MTA3: variants seen among roughly 807,000 people sequenced by gnomAD.
MTA3 encodes metastasis associated 1 family member 3.
Under a neutral mutation model 83.5 loss-of-function variants are expected in MTA3, and 34 were observed. The observed-to-expected ratio is 0.41, with a 90% CI of 0.31 to 0.54. The LOEUF is 0.54. Ranked by LOEUF, MTA3 falls within the 20% of genes least tolerant of loss-of-function variation. The pLI, the probability that MTA3 is intolerant of heterozygous loss-of-function variation, is 0.33. For missense variants in MTA3, 761 were observed against 726.4 expected (o/e 1.05, Z -0.55); for synonymous variants, 303 against 252.7 (o/e 1.20, Z -1.89).
intron 6 of MTA3, among the ~76,000 whole-genome samples, chr2:42,649,367 C>T (rs912098255): frequency 2.0e-5 from 3 of 151,500 alleles, no homozygotes; most frequent in Non-Finnish European, 2.9e-5. Flanking sequence ...GAGCCAAGAT[C>T]GTACCACTGC....
intron 15 of MTA3, among the ~76,000 whole-genome samples, chr2:42,719,289 A>G (rs967775265): frequency 6.6e-6 from 1 of 152,152 alleles, no homozygotes; most frequent in Non-Finnish European, 1.5e-5. Flanking sequence ...ATATATGTCT[A>G]CTTTTTCCAA....
chr2:42,556,237 C>T (rs1336717777), intron 2 of MTA3, among the ~76,000 whole-genome samples: 2 of 152,128 alleles, frequency 1.3e-5, no homozygotes, highest in Non-Finnish European at 2.9e-5. Context: ...CTCCTGTACT[C>T]CTACTCCAGA....
intron 2 of MTA3, among the ~76,000 whole-genome samples, chr2:42,514,640 T>C (rs1291484810): frequency 2.2e-5 from 3 of 139,452 alleles, no homozygotes; most frequent in Non-Finnish European, 4.6e-5. Flanking sequence ...CACCTCGGGC[T>C]CCTCCCAAAG....
At position 42,533,896 on chromosome 2, in the gene MTA3, C is replaced by T. The variant is rs181012938; in HGVS notation, c.-140-36541C>T. ...ATGGCTATTCCATAGACAGAGCAGC[C>T]GATTTTCTCTCTTTCTTTTTACTTT... On this transcript the variant is annotated intron_variant, in intron 2 of 17. Transcript: ENST00000405592. Among the ~76,000 whole-genome samples the T allele has an allele frequency of 8.1e-4, 123 of 151,790 alleles. 2 individuals carry two copies. The highest frequency in any genetic ancestry group is 2.7e-3 in the African/African-American group (111 of 41,430).
intron 16 of MTA3, among the ~76,000 whole-genome samples, chr2:42,740,703 G>A (rs1215885484): frequency 6.6e-6 from 1 of 152,226 alleles, no homozygotes; most frequent in East Asian, 1.9e-4. Flanking sequence ...CTAAGCAGTA[G>A]GTCTCAACAG....
chr2:42,749,235 C>T (rs1414151341), intron 16 of MTA3, among the ~76,000 whole-genome samples: 1 of 152,222 alleles, frequency 6.6e-6, no homozygotes, highest in East Asian at 1.9e-4. Context: ...TTGGCTGCCT[C>T]AAGCTCTGAC....
intron 8 of MTA3, 79 bp downstream of exon 8, chr2:42,659,941 T>C (rs1689516933): frequency 8.9e-7 from 1 of 1,126,294 alleles, no homozygotes; most frequent in Non-Finnish European, 1.2e-6. Flanking sequence ...GGCAATACTG[T>C]AGACCGGGAG....
At chr2:42,732,642 C>A (rs1452871067) in intron 16 of MTA3, among the ~76,000 whole-genome samples, 1 of 152,206 alleles carries the variant, frequency 6.6e-6, no homozygotes, top group Non-Finnish European at 1.5e-5. Context: ...TTAATTTCTC[C>A]CCAGAAAATG....
intron 2 of MTA3, among the ~76,000 whole-genome samples, chr2:42,578,600 C>T (rs546150563): frequency 6.6e-6 from 1 of 152,312 alleles, no homozygotes; most frequent in East Asian, 1.9e-4. Context: ...ACCTGCAGAG[C>T]TTCACTGTCC....
chr2:42,647,375 C>T (rs1302299224), intron 6 of MTA3, among the ~76,000 whole-genome samples: 5 of 151,778 alleles, frequency 3.3e-5, no homozygotes, highest in African/African-American at 1.2e-4. Context: ...AGGCATGTGC[C>T]ACCATGCCCA....
At chr2:42,693,186 G>T (rs1693071333) in intron 9 of MTA3, among the ~76,000 whole-genome samples, 1 of 151,980 alleles carries the variant, frequency 6.6e-6, no homozygotes, top group African/African-American at 2.4e-5. Flanking sequence ...AAGCACTCTT[G>T]TGGCTACCAC....
chr2:42,727,696 A>C (rs186261842), intron 16 of MTA3, among the ~76,000 whole-genome samples: 90 of 151,994 alleles, frequency 5.9e-4, no homozygotes, highest in Non-Finnish European at 1.1e-3. Context: ...GGTGAATCAC[A>C]TGGTTTTTTT....
chr2:42,494,441 C>G (rs1056334213), upstream of MTA3: 2 of 152,386 alleles, frequency 1.3e-5, no homozygotes, highest in African/African-American at 4.8e-5. Flanking sequence ...GTTCTGACAT[C>G]GCCCCTAAGG....
intron 6 of MTA3, among the ~76,000 whole-genome samples, chr2:42,652,672 C>T (rs955458138): frequency 1.3e-5 from 2 of 152,120 alleles, no homozygotes; most frequent in Admixed American, 6.6e-5. Context: ...CTCAAATCAT[C>T]TGATCTTCTT....
At chr2:42,701,404 T>TA (rs1422154791) in intron 11 of MTA3, among the ~76,000 whole-genome samples, 1 of 112,004 alleles carries the variant, frequency 8.9e-6, no homozygotes, top group Non-Finnish European at 1.7e-5. Flanking sequence ...CTGGGTAACA[T>TA]AGAGTCCCTG....
intron 3 of MTA3, among the ~76,000 whole-genome samples, chr2:42,598,488 A>G (rs1420630944): frequency 3.3e-5 from 5 of 152,202 alleles, no homozygotes; most frequent in Non-Finnish European, 7.3e-5. Context: ...AGGACCTTAT[A>G]CATAATCTGT....
intron 16 of MTA3, among the ~76,000 whole-genome samples, chr2:42,749,414 C>T (rs1172227010): frequency 1.3e-5 from 2 of 152,040 alleles, no homozygotes; most frequent in African/African-American, 2.4e-5. Context: ...CCAATTTTTA[C>T]CTGATTTTGG....
At chr2:42,668,828 T>A (rs540930907) in intron 8 of MTA3, among the ~76,000 whole-genome samples, 1 of 152,296 alleles carries the variant, frequency 6.6e-6, no homozygotes, top group East Asian at 1.9e-4. Context: ...TTTCATATAA[T>A]CTTCCTCTTA....
chr2:42,707,056 C>T (rs1414426463), intron 12 of MTA3, among the ~76,000 whole-genome samples: 2 of 151,472 alleles, frequency 1.3e-5, no homozygotes, highest in Non-Finnish European at 2.9e-5. Flanking sequence ...CCTCAACCTC[C>T]CAGGCTCAAG....
Sources: gnomAD v4.1 joint callset for allele counts (sites outside exome capture counted in the v4.1 genomes callset) on GRCh38, gnomAD v4.1.1 for gene constraint, MANE v1.5 for transcripts, NCBI Gene and HGNC (gene_info 2026-07-23, HGNC 2026-07-21) for gene names.